The following SPIDR variants were observed in gnomAD, a reference collection of about 807,000 sequenced individuals.
SPIDR encodes the protein DNA repair-scaffolding protein.
Under a neutral mutation model 104.6 loss-of-function variants are expected in SPIDR, and 93 were observed. The ratio of observed to expected loss-of-function variants is 0.89; its 90% confidence interval spans 0.75 to 1.06. The LOEUF (loss-of-function observed/expected upper bound fraction) is 1.06. Ranked by LOEUF, SPIDR falls within the 50% of genes least tolerant of loss-of-function variation. SPIDR has a pLI of 0.00. For synonymous variants in SPIDR, 431 were observed against 416.9 expected (o/e 1.03, Z -0.41); for missense variants, 1,154 against 1,111.2 (o/e 1.04, Z -0.55).
chr8:47,514,079 A>G (rs2082762463), intron 8 of SPIDR, among the ~76,000 whole-genome samples: 1 of 152,206 alleles, frequency 6.6e-6, no homozygotes, highest in South Asian at 2.1e-4. Context: ...GTATCTGATC[A>G]AAAGTCCGTG....
At chr8:47,353,768 A>G (rs2054003581) in intron 5 of SPIDR, among the ~76,000 whole-genome samples, 1 of 150,706 alleles carries the variant, frequency 6.6e-6, no homozygotes, top group African/African-American at 2.4e-5. Context: ...CCAAGAACAC[A>G]GTGTTCTGTT....
chr8:47,562,145 C>T (rs2057164863), intron 8 of SPIDR, among the ~76,000 whole-genome samples: 1 of 152,154 alleles, frequency 6.6e-6, no homozygotes, highest in Non-Finnish European at 1.5e-5. Flanking sequence ...CAGCTATAGC[C>T]CTAGGCGTGA....
intron 8 of SPIDR, among the ~76,000 whole-genome samples, chr8:47,531,306 G>A (rs1251710892): frequency 6.6e-6 from 1 of 152,114 alleles, no homozygotes; most frequent in Non-Finnish European, 1.5e-5. Context: ...TCTACAACTT[G>A]TCCCACTGGC....
At chr8:47,351,163 C>T (rs1348223889) in intron 5 of SPIDR, among the ~76,000 whole-genome samples, 8 of 152,078 alleles carry the variant, frequency 5.3e-5, no homozygotes, top group Admixed American at 2.0e-4. Context: ...TTGTTACAAT[C>T]GTTCTATTAT....
At chr8:47,415,141 G>T (rs1272254731) in intron 7 of SPIDR, among the ~76,000 whole-genome samples, 1 of 152,092 alleles carries the variant, frequency 6.6e-6, no homozygotes, top group African/African-American at 2.4e-5. Flanking sequence ...CTGACCTCGT[G>T]ATCCTCCCGC....
At chr8:47,500,444 T>G (rs922452762) in intron 8 of SPIDR, among the ~76,000 whole-genome samples, 1 of 152,266 alleles carries the variant, frequency 6.6e-6, no homozygotes, top group Admixed American at 6.5e-5. Context: ...ATGTCTTCTT[T>G]TGAGAAGTGT....
At chr8:47,674,864 C>T (rs1589081510) in intron 11 of SPIDR, among the ~76,000 whole-genome samples, 1 of 152,300 alleles carries the variant, frequency 6.6e-6, no homozygotes, top group East Asian at 1.9e-4. Flanking sequence ...TCCTGTCTCT[C>T]TTTCCTGTGG....
chr8:47,376,747 A>G (rs1184108329), intron 5 of SPIDR, among the ~76,000 whole-genome samples: 1 of 152,224 alleles, frequency 6.6e-6, no homozygotes, highest in Non-Finnish European at 1.5e-5. Flanking sequence ...ATATCAAGGT[A>G]CATTGAGTGA....
At chr8:47,700,949 T>C (rs7815961) in intron 12 of SPIDR, among the ~76,000 whole-genome samples, 40 of 152,268 alleles carry the variant, frequency 2.6e-4, no homozygotes, top group Admixed American at 1.4e-3. Flanking sequence ...CCTGCTTGTT[T>C]ATGAGAGTGT....
intron 7 of SPIDR, among the ~76,000 whole-genome samples, chr8:47,419,994 T>A (rs1554678742): frequency 6.6e-6 from 1 of 152,210 alleles, no homozygotes; most frequent in African/African-American, 2.4e-5. Flanking sequence ...TTGTTATAAT[T>A]TCTGTTCTTT....
chr8:47,283,892 C>A (rs2038301985), intron 2 of SPIDR, 136 bp from the exon 3 acceptor site: 4 of 600,340 alleles, frequency 6.7e-6, no homozygotes, highest in Non-Finnish European at 1.1e-5. Flanking sequence ...TTTGGGATTA[C>A]TGAAATTGGT....
intron 11 of SPIDR, among the ~76,000 whole-genome samples, chr8:47,692,468 T>TGG (rs1230048660): frequency 6.6e-6 from 1 of 151,414 alleles, no homozygotes; most frequent in Non-Finnish European, 1.5e-5. Context: ...ATCCATGATG[T>TGG]AACATGTATC....
chr8:47,496,323 G>C (rs1207927677), intron 8 of SPIDR, among the ~76,000 whole-genome samples: 2 of 152,170 alleles, frequency 1.3e-5, no homozygotes, highest in Non-Finnish European at 2.9e-5. Context: ...TCTGATGTTA[G>C]TTGTAGGGCT....
At chr8:47,303,787 TC>T (rs1166725419) in intron 5 of SPIDR, among the ~76,000 whole-genome samples, 1 of 152,172 alleles carries the variant, frequency 6.6e-6, no homozygotes, top group Non-Finnish European at 1.5e-5. Context: ...GCATCCTTGT[TC>T]ATCAAAGATG....
intron 16 of SPIDR, among the ~76,000 whole-genome samples, chr8:47,723,271 A>T (rs1010636484): frequency 6.6e-6 from 1 of 152,130 alleles, no homozygotes; most frequent in Non-Finnish European, 1.5e-5. Flanking sequence ...ATTTAAAGTG[A>T]TTATTCATAT....
chr8:47,506,241 A>G (rs1174815277), intron 8 of SPIDR, among the ~76,000 whole-genome samples: 4 of 152,202 alleles, frequency 2.6e-5, no homozygotes, highest in Non-Finnish European at 4.4e-5. Flanking sequence ...AAATGCTGCT[A>G]TTTCAGCTGC....
Position 47,396,384 on chromosome 8 carries a change from T to C in SPIDR, c.534T>C (p.Ser178=). 1 of 1,603,004 alleles carries C rather than the reference T, an allele frequency of 6.2e-7. No individual in the cohort carries two copies. The highest frequency in any genetic ancestry group is 8.5e-7 in the Non-Finnish European group (1 of 1,171,328). The change falls in exon 6 of 20, where the codon TCT becomes TCC. Residue 178 remains serine (S), a synonymous_variant. Transcript: ENST00000297423. ...EKLSELPKPS[S]IEILEYSSDS... is the part of the protein sequence containing the mutation. ...TTTTAATTTTTTTTCAGCCAAGTTCTATAGAAATTTTAGAGTATTCATCAG... is the reference window on the plus strand; with the variant it reads ...TTTTAATTTTTTTTCAGCCAAGTTCCATAGAAATTTTAGAGTATTCATCAG...
At chr8:47,654,129 C>T in intron 10 of SPIDR, 2 of 1,289,838 alleles carry the variant, frequency 1.6e-6, no homozygotes, top group Admixed American at 2.3e-5. Flanking sequence ...CATTGGGATA[C>T]TCCCAAAGTT....
rs192990864 is a variant in SPIDR, at chr8:47,377,611, C to G, written c.526-18765C>G. Among the ~76,000 whole-genome samples, 176 of 152,318 alleles carry G rather than the reference C, an allele frequency of 1.2e-3. 2 individuals carry two copies. Among genetic ancestry groups the G allele is most frequent in the Admixed American group, 0.011 (170 of 15,308 alleles). On this transcript the variant is annotated intron_variant, in intron 5 of 19. Coordinates refer to ENST00000297423, the MANE Select transcript of SPIDR (RefSeq NM_001080394.4). ...GATTCAGTTTTGTAGATTCACAGGG[C>G]CTGTGTGACTGACCACAGCTACTGA...
Sources: gnomAD v4.1 joint callset for allele counts (sites outside exome capture counted in the v4.1 genomes callset) on GRCh38, gnomAD v4.1.1 for gene constraint, MANE v1.5 for transcripts, NCBI Gene and HGNC (gene_info 2026-07-23, HGNC 2026-07-21) for gene names.